LHFPL6: variants seen among roughly 807,000 people sequenced by gnomAD.
The protein encoded by LHFPL6 is LHFPL tetraspan subfamily member 6.
LHFPL6 carries 9 observed loss-of-function variants against 20.6 expected under a neutral mutation model. That is an observed-to-expected ratio of 0.44 (90% CI 0.26 to 0.76). The LOEUF (loss-of-function observed/expected upper bound fraction) is 0.76. Ranked by LOEUF, LHFPL6 falls within the 30% of genes least tolerant of loss-of-function variation. The pLI, the probability that LHFPL6 is intolerant of heterozygous loss-of-function variation, is 0.20. For missense variants in LHFPL6, 218 were observed against 253.5 expected (o/e 0.86, Z 0.95); for synonymous variants, 105 against 98.7 (o/e 1.06, Z -0.38).
intron 3 of LHFPL6, among the ~76,000 whole-genome samples, chr13:39,356,542 T>C (rs773122131): frequency 6.6e-6 from 1 of 152,154 alleles, no homozygotes; most frequent in South Asian, 2.1e-4. Context: ...AAAATTGAGA[T>C]GTAAAAATTC....
chr13:39,526,582 T>C (rs981860998), intron 2 of LHFPL6, among the ~76,000 whole-genome samples: 1 of 152,246 alleles, frequency 6.6e-6, no homozygotes, highest in African/African-American at 2.4e-5. Flanking sequence ...TCTAGTGCTC[T>C]GATGTGTTAC....
chr13:39,363,190 G>A (rs1397970000), intron 3 of LHFPL6, among the ~76,000 whole-genome samples: 1 of 152,210 alleles, frequency 6.6e-6, no homozygotes, highest in Non-Finnish European at 1.5e-5. Context: ...TGGCAAGACA[G>A]GAAGGCAGAA....
intron 1 of LHFPL6, among the ~76,000 whole-genome samples, chr13:39,602,212 C>T (rs1872974449): frequency 6.6e-6 from 1 of 152,132 alleles, no homozygotes; most frequent in South Asian, 2.1e-4. Flanking sequence ...AAAAGAGTTC[C>T]TTAACCATTT....
chr13:39,381,540 C>T (rs1351665143), intron 2 of LHFPL6, among the ~76,000 whole-genome samples: 2 of 152,122 alleles, frequency 1.3e-5, no homozygotes, highest in South Asian at 2.1e-4. Flanking sequence ...TGCTCTTGCT[C>T]TTGAAACAAA....
At chr13:39,460,867 T>A (rs1415187167) in intron 2 of LHFPL6, among the ~76,000 whole-genome samples, 1 of 152,206 alleles carries the variant, frequency 6.6e-6, no homozygotes, top group African/African-American at 2.4e-5. Flanking sequence ...AGGGGGTGCA[T>A]GTGCAGGTTT....
At chr13:39,536,621 C>T (rs898958790) in intron 2 of LHFPL6, among the ~76,000 whole-genome samples, 1 of 152,210 alleles carries the variant, frequency 6.6e-6, no homozygotes, top group Non-Finnish European at 1.5e-5. Flanking sequence ...TCTCCTTCCA[C>T]AGGTCTCAGA....
intron 3 of LHFPL6, among the ~76,000 whole-genome samples, chr13:39,353,987 G>A (rs1331689770): frequency 6.6e-6 from 1 of 152,136 alleles, no homozygotes; most frequent in Non-Finnish European, 1.5e-5. Flanking sequence ...CATGCATTGA[G>A]TCTATTTTCA....
intron 2 of LHFPL6, among the ~76,000 whole-genome samples, chr13:39,571,892 AGTGGCTG>A (rs1871928410): frequency 1.3e-5 from 2 of 152,210 alleles, no homozygotes; most frequent in Non-Finnish European, 2.9e-5. Context: ...CAGCACCCAG[AGTGGCTG>A]GCCGGATCCT....
intron 2 of LHFPL6, among the ~76,000 whole-genome samples, chr13:39,576,707 C>A (rs1377395098): frequency 6.6e-6 from 1 of 152,100 alleles, no homozygotes; most frequent in Non-Finnish European, 1.5e-5. Context: ...GATCATGGCT[C>A]ACTGCAGCCT....
chr13:39,404,234 T>C (rs1189019181), intron 2 of LHFPL6, among the ~76,000 whole-genome samples: 1 of 152,200 alleles, frequency 6.6e-6, no homozygotes, highest in Non-Finnish European at 1.5e-5. Context: ...AACTTCTTAG[T>C]TGCTAACTAA....
At chr13:39,445,380 T>G (rs1221379209) in intron 2 of LHFPL6, among the ~76,000 whole-genome samples, 1 of 152,180 alleles carries the variant, frequency 6.6e-6, no homozygotes, top group African/African-American at 2.4e-5. Flanking sequence ...TTTGTGAAGA[T>G]TTACTGAAAA....
intron 2 of LHFPL6, among the ~76,000 whole-genome samples, chr13:39,421,395 C>A (rs1178557346): frequency 1.3e-5 from 2 of 152,116 alleles, no homozygotes. Flanking sequence ...ACAACAAACA[C>A]ACACATACTG....
intron 2 of LHFPL6, among the ~76,000 whole-genome samples, chr13:39,529,204 G>C (rs1268537718): frequency 6.6e-6 from 1 of 151,960 alleles, no homozygotes; most frequent in Non-Finnish European, 1.5e-5. Flanking sequence ...TGATTCTCCT[G>C]CTTCAGTCTT....
At chr13:39,458,192 A>G (rs1474270726) in intron 2 of LHFPL6, among the ~76,000 whole-genome samples, 1 of 152,188 alleles carries the variant, frequency 6.6e-6, no homozygotes, top group Non-Finnish European at 1.5e-5. Context: ...GGGGAAAAGA[A>G]TGGAAGAAAG....
At chr13:39,481,205 A>G (rs1868508287) in intron 2 of LHFPL6, among the ~76,000 whole-genome samples, 1 of 152,206 alleles carries the variant, frequency 6.6e-6, no homozygotes, top group African/African-American at 2.4e-5. Flanking sequence ...ACATCAGGCA[A>G]TAAAATACTA....
intron 2 of LHFPL6, among the ~76,000 whole-genome samples, chr13:39,463,020 G>C (rs919842373): frequency 6.6e-6 from 1 of 152,150 alleles, no homozygotes; most frequent in Non-Finnish European, 1.5e-5. Context: ...AGAAAAACCA[G>C]CATCCTGAGG....
intron 2 of LHFPL6, among the ~76,000 whole-genome samples, chr13:39,487,585 A>G (rs1447313897): frequency 6.6e-6 from 1 of 152,258 alleles, no homozygotes; most frequent in African/African-American, 2.4e-5. Flanking sequence ...CTCTAAAAGC[A>G]TTTGACAACA....
At chr13:39,601,832 ACT>A (rs1872960058) in intron 1 of LHFPL6, among the ~76,000 whole-genome samples, 1 of 152,184 alleles carries the variant, frequency 6.6e-6, no homozygotes, top group Non-Finnish European at 1.5e-5. Context: ...GGGTGCATTA[ACT>A]CTCTGCATGA....
chr13:39,567,685 A>C (rs1461178885), intron 2 of LHFPL6, among the ~76,000 whole-genome samples: 1 of 152,222 alleles, frequency 6.6e-6, no homozygotes. Flanking sequence ...GTGGCCAAAC[A>C]AAAACAGGCT....
Sources: allele counts gnomAD v4.1 joint callset (sites outside exome capture counted in the v4.1 genomes callset), GRCh38; gene constraint gnomAD v4.1.1; transcripts MANE v1.5; gene names NCBI Gene and HGNC (gene_info 2026-07-23, HGNC 2026-07-21).